VPS41: variants seen among roughly 807,000 people sequenced by gnomAD.
VPS41 encodes the protein VPS41 subunit of HOPS complex.
Under a neutral mutation model 130.9 loss-of-function variants are expected in VPS41, and 85 were observed. The ratio of observed to expected loss-of-function variants is 0.65; its 90% CI spans 0.55 to 0.78. The LOEUF (loss-of-function observed/expected upper bound fraction) is 0.78. VPS41 is among the 30% of genes least tolerant of loss of function. The probability of loss-of-function intolerance (pLI) is 0.00; values close to 1 mark genes in which losing one functional copy is unlikely to be tolerated. For synonymous variants in VPS41, 335 were observed against 332.9 expected, an observed-to-expected ratio of 1.01 and a Z score of -0.07; for missense variants, 874 against 1,018.7, an observed-to-expected ratio of 0.86 and a Z score of 1.93.
intron 18 of VPS41, among the ~76,000 whole-genome samples, chr7:38,758,070 G>A (rs1022750704): frequency 6.6e-6 from 1 of 152,160 alleles, no homozygotes; most frequent in Non-Finnish European, 1.5e-5. Flanking sequence ...TTATGCTTGA[G>A]TGATCTAAAA....
At chr7:38,889,126 A>C (rs949201153) in intron 2 of VPS41, among the ~76,000 whole-genome samples, 1 of 151,512 alleles carries the variant, frequency 6.6e-6, no homozygotes, top group Non-Finnish European at 1.5e-5. Context: ...AAAAATGAAG[A>C]GTCTCAGGGA....
Position 38,725,981 on chromosome 7 carries a change from A to T in VPS41, c.*265T>A, listed in dbSNP as rs532204830. 8 of 363,096 alleles carry T rather than the reference A, an allele frequency of 2.2e-5. No individual in the cohort carries two copies. Among genetic ancestry groups the T allele is most frequent in the Non-Finnish European group, 4.0e-5 (8 of 201,244 alleles). 22.5% of individuals were successfully genotyped at this position (363,096 alleles called of 1,614,324 possible). On this transcript the variant is annotated 3_prime_UTR_variant, in exon 29 of 29. Transcript: ENST00000310301. ...TTCTAACTCCTAGACTTATGTTTCC[A>T]TTACTATATAAAGAATGAGCCAAAC... is the stretch of plus-strand genomic sequence containing the variant.
At chr7:38,777,300 T>C (rs1784276772) in intron 10 of VPS41, among the ~76,000 whole-genome samples, 1 of 152,180 alleles carries the variant, frequency 6.6e-6, no homozygotes, top group South Asian at 2.1e-4. Flanking sequence ...TACAGATTAC[T>C]TTATGATGAA....
At chr7:38,806,676 C>G (rs1452736040) in intron 7 of VPS41, among the ~76,000 whole-genome samples, 1 of 152,128 alleles carries the variant, frequency 6.6e-6, no homozygotes, top group East Asian at 1.9e-4. Flanking sequence ...TGGTGTACAG[C>G]CTTCCATGAA....
At chr7:38,789,891 T>C (rs1784506098) in intron 9 of VPS41, 24 bp from the exon 10 acceptor site, 5 of 1,612,096 alleles carry the variant, frequency 3.1e-6, no homozygotes, top group Non-Finnish European at 3.4e-6. Context: ...TCGCAGGTTA[T>C]TTTATTCATT....
chr7:38,796,397 A>C, intron 8 of VPS41: 1 of 460,212 alleles, frequency 2.2e-6, no homozygotes, highest in Non-Finnish European at 4.3e-6. Flanking sequence ...CACTTGTTTC[A>C]TATCAACTCT....
chr7:38,756,050 A>G (rs1253012188), intron 19 of VPS41, among the ~76,000 whole-genome samples: 1 of 152,228 alleles, frequency 6.6e-6, no homozygotes, highest in Non-Finnish European at 1.5e-5. Flanking sequence ...ATAGCACACA[A>G]TATCTCTAAA....
rs1182521918 is a variant in VPS41, at chr7:38,792,925, T to C, written c.717+2540A>G. Among the ~76,000 whole-genome samples the C allele has an allele frequency of 2.0e-5, 3 of 152,114 alleles. No homozygotes were observed. The East Asian group carries it at 5.8e-4, about 29-fold the overall frequency. On this transcript the variant is annotated intron_variant, in intron 9 of 28. Coordinates refer to ENST00000310301, the MANE Select transcript of VPS41 (RefSeq NM_014396.4). ...AAAGCACACCAATCACACTCCTGCT[T>C]CAAGAATTTTTGCACTCCTGCTCCT... is the stretch of plus-strand genomic sequence containing the variant.
Position 38,741,988 on chromosome 7 carries a change from C to T in VPS41, c.2256G>A (p.Leu752=), listed in dbSNP as rs760356472. 6.2e-7 allele frequency: 1 copy of T among 1,612,882 alleles called. No individual in the cohort carries two copies. The highest frequency in any genetic ancestry group is 2.2e-5 in the East Asian group (1 of 44,780). The change falls in exon 25 of 29, where the codon TTG becomes TTA. Residue 752 remains leucine (L), a synonymous_variant. Transcript: ENST00000310301. ...SLVKILQDYN[L]QILLREGCKK... Reference sequence around the variant, plus strand: ...TTGTCCAAGAAAGGATACTTACTTGCAAATTGTAGTCTTGCAGAATTTTAA... The same window carrying T: ...TTGTCCAAGAAAGGATACTTACTTGTAAATTGTAGTCTTGCAGAATTTTAA...
chr7:38,848,527 G>A (rs919654327), intron 4 of VPS41, among the ~76,000 whole-genome samples: 2 of 152,264 alleles, frequency 1.3e-5, no homozygotes, highest in East Asian at 1.9e-4. Context: ...TAGTAAACAT[G>A]TTCAGTTGGA....
chr7:38,776,712 T>C lies in VPS41; in HGVS notation c.849A>G (p.Val283=). ...CTGAAATCTCCTTTACATACGAAAG[T>C]ACAACAAGCTGATCACAGAGAGGTG... ...GLAPLCDQLV[V]LSYVKEISEK... The change falls in exon 11 of 29, where the codon GTA becomes GTG. Residue 283 remains valine, a synonymous_variant. Transcript: ENST00000310301. 1 of 1,611,556 alleles carries C rather than the reference T, an allele frequency of 6.2e-7. No homozygotes were observed. Among genetic ancestry groups the C allele is most frequent in the Non-Finnish European group, 8.5e-7 (1 of 1,177,948 alleles).
intron 10 of VPS41, among the ~76,000 whole-genome samples, chr7:38,778,810 GC>G (rs1784306792): frequency 6.6e-6 from 1 of 152,164 alleles, no homozygotes; most frequent in Non-Finnish European, 1.5e-5. Context: ...CAAATAGGCT[GC>G]CTAGTCTCAC....
At chr7:38,879,297 C>A (rs1264179190) in intron 2 of VPS41, among the ~76,000 whole-genome samples, 1 of 152,156 alleles carries the variant, frequency 6.6e-6, no homozygotes, top group Non-Finnish European at 1.5e-5. Context: ...AAATGGGCAG[C>A]AACAGCCCAG....
chr7:38,816,784 C>T (rs1584409900), intron 7 of VPS41, among the ~76,000 whole-genome samples: 1 of 152,182 alleles, frequency 6.6e-6, no homozygotes, highest in Non-Finnish European at 1.5e-5. Flanking sequence ...CTTGCTCTTT[C>T]ACCCAGGCTG....
chr7:38,872,414 A>C (rs1348038882), intron 2 of VPS41, among the ~76,000 whole-genome samples: 1 of 152,210 alleles, frequency 6.6e-6, no homozygotes. Context: ...GCAGGCACAG[A>C]GCATGAATAA....
intron 3 of VPS41, among the ~76,000 whole-genome samples, chr7:38,865,429 C>T (rs545785574): frequency 1.2e-4 from 16 of 135,574 alleles, no homozygotes; most frequent in African/African-American, 4.8e-4. Context: ...ATTCAACAAA[C>T]ACACACAAAA....
intron 7 of VPS41, among the ~76,000 whole-genome samples, chr7:38,806,976 T>C (rs1784850711): frequency 6.6e-6 from 1 of 152,208 alleles, no homozygotes; most frequent in Admixed American, 6.5e-5. Flanking sequence ...CATGTCTGAA[T>C]GCAAACAAGA....
chr7:38,738,674 T>C (rs976121109), intron 25 of VPS41, among the ~76,000 whole-genome samples: 4 of 152,246 alleles, frequency 2.6e-5, no homozygotes, highest in Non-Finnish European at 5.9e-5. Context: ...TTTTGGAAGT[T>C]ATATCAAAAT....
chr7:38,783,155 T>C (rs943047607), intron 10 of VPS41, among the ~76,000 whole-genome samples: 1 of 151,664 alleles, frequency 6.6e-6, no homozygotes, highest in Non-Finnish European at 1.5e-5. Context: ...AGTAACTGAG[T>C]ATCAATTACA....
Sources: gnomAD v4.1 joint callset for allele counts (sites outside exome capture counted in the v4.1 genomes callset) on GRCh38, gnomAD v4.1.1 for gene constraint, MANE v1.5 for transcripts, NCBI Gene and HGNC (gene_info 2026-07-23, HGNC 2026-07-21) for gene names.